KIRREL1: variants seen among roughly 807,000 people sequenced by gnomAD.
The protein encoded by KIRREL1 is kin of IRRE-like protein 1.
KIRREL1 carries 25 observed loss-of-function variants against 83.3 expected under a neutral mutation model. The ratio of observed to expected loss-of-function variants is 0.30; its 90% CI spans 0.22 to 0.42. The LOEUF is 0.42. Ranked by LOEUF, KIRREL1 falls within the 10% of genes least tolerant of loss-of-function variation. The probability of loss-of-function intolerance (pLI) is 1.00; values close to 1 mark genes in which losing one functional copy is unlikely to be tolerated. For synonymous variants in KIRREL1, 388 were observed against 410.4 expected, an observed-to-expected ratio of 0.95 and a Z score of 0.66; for missense variants, 812 against 1,032.3, an observed-to-expected ratio of 0.79 and a Z score of 2.92.
At chr1:158,056,889 T>G (rs1030604504) in intron 1 of KIRREL1, among the ~76,000 whole-genome samples, 5 of 152,156 alleles carry the variant, frequency 3.3e-5, no homozygotes, top group African/African-American at 1.2e-4. Flanking sequence ...CCTTAGTTTC[T>G]CCTTCTAAAA....
At chr1:158,088,992 G>T (rs1027495558) in intron 8 of KIRREL1, among the ~76,000 whole-genome samples, 8 of 151,986 alleles carry the variant, frequency 5.3e-5, no homozygotes, top group Non-Finnish European at 1.2e-4. Context: ...GGGAAGCAGG[G>T]TGGGGTGGGA....
At chr1:158,035,138 GC>G (rs1329077728) in intron 1 of KIRREL1, among the ~76,000 whole-genome samples, 6 of 152,110 alleles carry the variant, frequency 3.9e-5, no homozygotes, top group Non-Finnish European at 8.8e-5. Flanking sequence ...CATTCCCTTT[GC>G]CCCCTGGCTA....
At position 158,089,637 on chromosome 1, in the gene KIRREL1, G is replaced by A; in HGVS notation, c.1171+9G>A. 6.2e-7 allele frequency: 1 copy of A among 1,613,346 alleles called. No homozygotes were observed. The highest frequency in any genetic ancestry group is 8.5e-7 in the Non-Finnish European group (1 of 1,179,346). ...GCCGCTCTATGTGAACGGTGAGTGA[G>A]TGGCCTGAGAGGCAGCCGGGCCTGG... On this transcript the variant is annotated intron_variant, in intron 9 of 14. Transcript: ENST00000359209.
intron 3 of KIRREL1, among the ~76,000 whole-genome samples, chr1:158,082,476 C>A (rs759427299): frequency 1.3e-5 from 2 of 152,116 alleles, no homozygotes; most frequent in Non-Finnish European, 2.9e-5. Context: ...AATGCTAAGA[C>A]AGGTTTCGAG....
intron 1 of KIRREL1, among the ~76,000 whole-genome samples, chr1:158,044,024 G>A (rs563556171): frequency 1.3e-5 from 2 of 152,352 alleles, no homozygotes; most frequent in Non-Finnish European, 2.9e-5. Flanking sequence ...CCACATAAAA[G>A]AACAAGCTCG....
At chr1:158,005,229 A>G (rs1659483233) in intron 1 of KIRREL1, among the ~76,000 whole-genome samples, 1 of 152,248 alleles carries the variant, frequency 6.6e-6, no homozygotes, top group Non-Finnish European at 1.5e-5. Context: ...AAAAGAAAAT[A>G]GAATTCATTT....
intron 1 of KIRREL1, among the ~76,000 whole-genome samples, chr1:158,020,600 C>CAAAACAAAA (rs1659978430): frequency 1.2e-5 from 1 of 83,678 alleles, no homozygotes. Context: ...TACAGTAAAT[C>CAAAACAAAA]AAAAAAAAAA....
At chr1:158,088,291 T>A in intron 7 of KIRREL1, 36 bp from the exon 8 acceptor site, 1 of 1,601,206 alleles carries the variant, frequency 6.2e-7, no homozygotes. Flanking sequence ...CCCATGAGCT[T>A]GAGACCCTAA....
intron 3 of KIRREL1, 77 bp from the exon 4 acceptor site, chr1:158,084,345 T>C: frequency 7.1e-7 from 1 of 1,411,156 alleles, no homozygotes; most frequent in Non-Finnish European, 9.6e-7. Context: ...GAAGGATGCT[T>C]CCAGAGGCAG....
At position 158,095,021 on chromosome 1, in the gene KIRREL1, C is replaced by A. The variant is rs1662316584; in HGVS notation, c.2175C>A (p.Asp725Glu). ...AGCGGACCCCATATGAGGCGTATGA[C>A]CCCATTGGCAAGTACGCCACAGCCA... ...GLERTPYEAY[D>E]PIGKYATATR... is the part of the protein sequence containing the mutation. Residue 725 changes from aspartate (D) to glutamate (E), a missense_variant, in exon 15 of 15, where the codon GAC (aspartate) becomes GAA (glutamate). This residue lies in a region of KIRREL1 where 334 missense variants were observed against 383.7 expected (regional missense o/e 0.87). Coordinates refer to ENST00000359209, the MANE Select transcript of KIRREL1 (RefSeq NM_018240.7). 6.2e-7 allele frequency: 1 copy of A among 1,613,930 alleles called. No individual in the cohort carries two copies.
chr1:158,062,846 G>A (rs886680103), intron 1 of KIRREL1, among the ~76,000 whole-genome samples: 2 of 152,174 alleles, frequency 1.3e-5, no homozygotes, highest in Non-Finnish European at 2.9e-5. Context: ...TTCCACTTTC[G>A]TCTTTCTGAA....
chr1:158,072,146 T>TC (rs113115110), intron 1 of KIRREL1, among the ~76,000 whole-genome samples: 3 of 152,100 alleles, frequency 2.0e-5, no homozygotes, highest in African/African-American at 7.2e-5. Context: ...CAGGACCGAC[T>TC]CCAAGTTCCA....
chr1:158,099,397 C>T lies in KIRREL1; in HGVS notation c.*4277C>T, dbSNP rs1558023416. On this transcript the variant is annotated 3_prime_UTR_variant, in exon 15 of 15. Coordinates refer to ENST00000359209, the MANE Select transcript of KIRREL1 (RefSeq NM_018240.7). ...TTCTCCTCCTCTCCTCAAGGCCAGGCTTTTTGTGAAAGGCATTGGCTCATC... is the reference window on the plus strand; with the variant it reads ...TTCTCCTCCTCTCCTCAAGGCCAGGTTTTTTGTGAAAGGCATTGGCTCATC... The T allele has an allele frequency of 6.6e-6, 1 of 152,244 alleles. No individual in the cohort carries two copies. The highest frequency in any genetic ancestry group is 2.1e-4 in the South Asian group (1 of 4,826). 9.4% of individuals were successfully genotyped at this position (152,244 alleles called of 1,614,324 possible).
At chr1:158,008,339 T>TG (rs796618046) in intron 1 of KIRREL1, among the ~76,000 whole-genome samples, 180 of 152,194 alleles carry the variant, frequency 1.2e-3, no homozygotes, top group African/African-American at 4.1e-3. Context: ...CTGTGCCCCT[T>TG]GGGGAGGCCT....
chr1:158,017,896 A>G (rs897277923), intron 1 of KIRREL1, among the ~76,000 whole-genome samples: 1 of 152,080 alleles, frequency 6.6e-6, no homozygotes, highest in African/African-American at 2.4e-5. Context: ...AAAGAAAAAA[A>G]AAAAGATTCC....
In KIRREL1 at chr1:158,095,001, A is replaced by ACCC. The variant is rs1396023469; in HGVS notation, c.2157_2159dup (p.Pro720dup). ...GGCCCCACCCTCTGGCCTGGAGCGG[A>ACCC]CCCCATATGAGGCGTATGACCCCAT... On this transcript the variant is annotated inframe_insertion, in exon 15 of 15. Transcript: ENST00000359209. 20 of 1,613,892 alleles carry ACCC rather than the reference A, an allele frequency of 1.2e-5. No homozygotes were observed. Among genetic ancestry groups the ACCC allele is most frequent in the Non-Finnish European group, 1.7e-5 (20 of 1,179,966 alleles).
At chr1:158,062,712 C>T (rs773073460) in intron 1 of KIRREL1, among the ~76,000 whole-genome samples, 3 of 152,252 alleles carry the variant, frequency 2.0e-5, no homozygotes, top group Non-Finnish European at 4.4e-5. Flanking sequence ...CCCCCTTGCA[C>T]GCAGATACAA....
chr1:158,005,172 G>C (rs1368125540), intron 1 of KIRREL1, among the ~76,000 whole-genome samples: 1 of 152,102 alleles, frequency 6.6e-6, no homozygotes, highest in African/African-American at 2.4e-5. Flanking sequence ...AGGTGTTAGG[G>C]GATGCTTTCC....
intron 1 of KIRREL1, among the ~76,000 whole-genome samples, chr1:158,042,349 G>C (rs1016387698): frequency 6.6e-6 from 1 of 152,098 alleles, no homozygotes; most frequent in African/African-American, 2.4e-5. Flanking sequence ...AGTGACCTTT[G>C]TGCCCTCCTA....
Sources: gnomAD v4.1 joint callset for allele counts (sites outside exome capture counted in the v4.1 genomes callset) on GRCh38, gnomAD v4.1.1 for gene constraint, gnomAD v4.1.1 regional missense constraint, MANE v1.5 for transcripts, NCBI Gene and HGNC (gene_info 2026-07-23, HGNC 2026-07-21) for gene names.